Variants in TP63 observed in about 807,000 individuals in gnomAD.
TP63 encodes the protein tumor protein 63.
Under a neutral mutation model 82.8 loss-of-function variants are expected in TP63, and 17 were observed. The ratio of observed to expected loss-of-function variants is 0.21; its 90% confidence interval spans 0.14 to 0.31. The LOEUF (loss-of-function observed/expected upper bound fraction) is 0.31, where lower values mean the gene tolerates loss of function less well. TP63 is among the 10% of genes least tolerant of loss of function. The probability of loss-of-function intolerance (pLI) is 1.00; values close to 1 mark genes in which losing one functional copy is unlikely to be tolerated. For synonymous variants in TP63, 330 were observed against 321.7 expected (o/e 1.03, Z -0.28); for missense variants, 648 against 895.3 (o/e 0.72, Z 3.52).
At chr3:189,704,506 C>T (rs887535267) in intron 1 of TP63, among the ~76,000 whole-genome samples, 4 of 152,200 alleles carry the variant, frequency 2.6e-5, no homozygotes, top group African/African-American at 9.6e-5. Flanking sequence ...CCCCTAATAC[C>T]TGCTTTCATT....
intron 4 of TP63, among the ~76,000 whole-genome samples, chr3:189,832,242 A>G (rs755303335): frequency 2.0e-5 from 3 of 152,116 alleles, no homozygotes; most frequent in Non-Finnish European, 4.4e-5. Context: ...CCTGAAAGTT[A>G]CCTGAGACTT....
intron 1 of TP63, among the ~76,000 whole-genome samples, chr3:189,649,294 G>A (rs6784251): frequency 0.84 from 122,517 of 146,440 alleles, 54,590 homozygotes; most frequent in Non-Finnish European, 0.93. Flanking sequence ...TATGCAGCGT[G>A]AAAAAGAATG....
At chr3:189,877,454 C>T (rs1719364439) in intron 10 of TP63, among the ~76,000 whole-genome samples, 2 of 152,298 alleles carry the variant, frequency 1.3e-5, no homozygotes, top group African/African-American at 4.8e-5. Context: ...TGGCTTCCAA[C>T]ATAAAAGCGA....
chr3:189,682,532 A>G (rs1716009574), intron 1 of TP63, among the ~76,000 whole-genome samples: 1 of 57,482 alleles, frequency 1.7e-5, no homozygotes, highest in South Asian at 5.9e-4. Flanking sequence ...CTTGGTCCTA[A>G]GGGGAAAAAA....
chr3:189,855,517 A>G (rs2108775420), intron 4 of TP63, among the ~76,000 whole-genome samples: 1 of 152,252 alleles, frequency 6.6e-6, no homozygotes, highest in Non-Finnish European at 1.5e-5. Flanking sequence ...TTTATACAGA[A>G]GTATACTAAA....
intron 4 of TP63, among the ~76,000 whole-genome samples, chr3:189,829,381 A>T (rs1196972549): frequency 2.6e-5 from 4 of 152,242 alleles, no homozygotes; most frequent in Non-Finnish European, 4.4e-5. Context: ...TGAAAACTAG[A>T]CCCATGTAAA....
At chr3:189,791,334 A>G (rs946802542) in intron 3 of TP63, among the ~76,000 whole-genome samples, 1 of 152,170 alleles carries the variant, frequency 6.6e-6, no homozygotes, top group African/African-American at 2.4e-5. Flanking sequence ...AGGTTGATGT[A>G]AAGTGGCAAG....
chr3:189,733,981 T>C (rs1720359484), intron 1 of TP63, among the ~76,000 whole-genome samples: 1 of 152,156 alleles, frequency 6.6e-6, no homozygotes, highest in Non-Finnish European at 1.5e-5. Context: ...ATTCCTTCCC[T>C]ATATAACTCT....
At chr3:189,848,270 T>TCTCTCTCTCTCTCTCTCTCTCTCTC (rs1560254388) in intron 4 of TP63, among the ~76,000 whole-genome samples, 1 of 151,058 alleles carries the variant, frequency 6.6e-6, no homozygotes, top group African/African-American at 2.4e-5. Context: ...TCTCTCTCTC[T>TCTCTCTCTCTCTCTCTCTCTCTCTC]GTTGCCTAGG....
At chr3:189,730,670 C>T (rs1720098256) in intron 1 of TP63, among the ~76,000 whole-genome samples, 1 of 152,162 alleles carries the variant, frequency 6.6e-6, no homozygotes, top group Admixed American at 6.5e-5. Context: ...ATTTGTGATC[C>T]CATCCTCCCA....
At chr3:189,598,375 A>T in the TP63 span, among the ~76,000 whole-genome samples, 1 of 151,832 alleles carries the variant, frequency 6.6e-6, no homozygotes, top group Non-Finnish European at 1.5e-5. Context: ...GCGAGGCAAG[A>T]GAAGAAGTAG....
At position 189,758,267 on chromosome 3, in the gene TP63, C is replaced by G. The variant is rs147312866; in HGVS notation, c.324+19493C>G. Among the ~76,000 whole-genome samples, 90 of 152,302 alleles carry G rather than the reference C, an allele frequency of 5.9e-4. No homozygotes were observed. The East Asian group carries it at 0.016, about 27-fold the overall frequency. On this transcript the variant is annotated intron_variant, in intron 3 of 13. Coordinates refer to ENST00000264731, the MANE Select transcript of TP63 (RefSeq NM_003722.5). ...CGCTGATCTGACAGGAGGTGGGGTT[C>G]CAGTGGTAATGCTCACTGGCCTGCC...
intron 1 of TP63, among the ~76,000 whole-genome samples, chr3:189,647,709 A>G (rs1712540268): frequency 6.8e-6 from 1 of 146,756 alleles, no homozygotes; most frequent in Non-Finnish European, 1.5e-5. Context: ...ACCGAAGCCA[A>G]ATTATCAAAG....
Position 189,889,366 on chromosome 3 carries a change from A to C in TP63, c.1534A>C (p.Met512Leu). The change falls in exon 12 of 14, where the codon ATG becomes CTG. Residue 512 changes from methionine to leucine, a missense_variant. Transcript: ENST00000264731. ...NIPMMGTHMP[M>L]AGDMNGLSPT... ...TCCCATGATGGGCACCCACATGCCA[A>C]TGGCTGGAGACATGAATGGACTCAG... 1 of 1,614,126 alleles carries C rather than the reference A, an allele frequency of 6.2e-7. No homozygotes were observed. Among genetic ancestry groups the C allele is most frequent in the Non-Finnish European group, 8.5e-7 (1 of 1,180,006 alleles).
At chr3:189,767,407 A>G (rs1367229596) in intron 3 of TP63, among the ~76,000 whole-genome samples, 1 of 152,196 alleles carries the variant, frequency 6.6e-6, no homozygotes, top group Non-Finnish European at 1.5e-5. Context: ...ACCAGTAAAC[A>G]TGTACCAATC....
intron 3 of TP63, among the ~76,000 whole-genome samples, chr3:189,793,910 G>C (rs1171820616): frequency 6.6e-6 from 1 of 152,036 alleles, no homozygotes; most frequent in African/African-American, 2.4e-5. Flanking sequence ...CAATTTAGTG[G>C]AACCTACAAA....
intron 4 of TP63, among the ~76,000 whole-genome samples, chr3:189,851,156 A>G (rs186202548): frequency 9.7e-4 from 147 of 152,302 alleles, no homozygotes; most frequent in Non-Finnish European, 1.4e-3. Context: ...TGTGAACTAT[A>G]ATTTTTTCCA....
At chr3:189,848,239 T>TTCTATCTCTCTCTCTC (rs1715150791) in intron 4 of TP63, among the ~76,000 whole-genome samples, 1 of 95,984 alleles carries the variant, frequency 1.0e-5, no homozygotes, top group South Asian at 4.2e-4. Flanking sequence ...CTCCTCCTCC[T>TTCTATCTCTCTCTCTC]TCTCTCTCTC....
chr3:189,890,154 T>C (rs1194130025), intron 12 of TP63, among the ~76,000 whole-genome samples: 8 of 152,204 alleles, frequency 5.3e-5, no homozygotes, highest in Non-Finnish European at 4.4e-5. Flanking sequence ...TTCATTTGGC[T>C]ACTGGAACGA....
Sources: allele counts gnomAD v4.1 joint callset (sites outside exome capture counted in the v4.1 genomes callset), GRCh38; gene constraint gnomAD v4.1.1; transcripts MANE v1.5; gene names NCBI Gene and HGNC (gene_info 2026-07-23, HGNC 2026-07-21).